Variants in ERBB4 observed in about 807,000 individuals in gnomAD.
ERBB4 encodes erb-b2 receptor tyrosine kinase 4, also known as receptor tyrosine-protein kinase erbB-4.
ERBB4 carries 42 observed loss-of-function variants against 158.0 expected under a neutral mutation model. That is an observed-to-expected ratio of 0.27 (90% CI 0.21 to 0.34). The LOEUF (loss-of-function observed/expected upper bound fraction) is 0.34. Ranked by LOEUF, ERBB4 falls within the 10% of genes least tolerant of loss-of-function variation. The pLI is 1.00. For missense variants in ERBB4, 1,333 were observed against 1,624.1 expected, an observed-to-expected ratio of 0.82 and a Z score of 3.08; for synonymous variants, 583 against 558.7, an observed-to-expected ratio of 1.04 and a Z score of -0.61.
At chr2:212,515,092 T>C (rs1426959076) in intron 1 of ERBB4, among the ~76,000 whole-genome samples, 1 of 152,188 alleles carries the variant, frequency 6.6e-6, no homozygotes, top group East Asian at 1.9e-4. Flanking sequence ...TTCATAAATG[T>C]CAAAATCTGA....
chr2:211,774,452 G>C (rs140892162), intron 4 of ERBB4, among the ~76,000 whole-genome samples: 1 of 152,116 alleles, frequency 6.6e-6, no homozygotes. Flanking sequence ...ATGAATTAAA[G>C]CTGCATAGGG....
At chr2:211,385,362 G>A (rs530116271) in intron 27 of ERBB4, among the ~76,000 whole-genome samples, 3 of 152,228 alleles carry the variant, frequency 2.0e-5, no homozygotes, top group African/African-American at 7.2e-5. Flanking sequence ...ATTAAATGAT[G>A]TGTGCAGGAT....
At chr2:211,515,940 A>T (rs113506817) in intron 20 of ERBB4, among the ~76,000 whole-genome samples, 20,689 of 111,372 alleles carry the variant, frequency 0.19, 1,853 homozygotes, top group Middle Eastern at 0.26. Flanking sequence ...TTTGAGGCGG[A>T]GTCTTGCTCT....
intron 15 of ERBB4, among the ~76,000 whole-genome samples, chr2:211,664,272 G>C (rs577009351): frequency 6.6e-6 from 1 of 151,966 alleles, no homozygotes; most frequent in South Asian, 2.1e-4. Context: ...TCTGTTTATG[G>C]AATCTCACAC....
At chr2:211,432,660 TCTTCC>T in intron 20 of ERBB4, among the ~76,000 whole-genome samples, 1 of 151,832 alleles carries the variant, frequency 6.6e-6, no homozygotes, top group East Asian at 1.9e-4. Context: ...TATTTTCATA[TCTTCC>T]CAAGTAATAC....
intron 1 of ERBB4, among the ~76,000 whole-genome samples, chr2:212,453,633 C>T (rs1014913296): frequency 2.6e-5 from 4 of 152,028 alleles, no homozygotes; most frequent in Non-Finnish European, 5.9e-5. Flanking sequence ...ACGAGGTATG[C>T]TTTTTAATGT....
At chr2:211,792,085 T>C (rs750821614) in intron 3 of ERBB4, among the ~76,000 whole-genome samples, 127 of 151,750 alleles carry the variant, frequency 8.4e-4, no homozygotes, top group Non-Finnish European at 9.4e-4. Flanking sequence ...TTAGATTTAA[T>C]TGTGTATGGA....
chr2:211,759,714 G>C (rs896226022), intron 4 of ERBB4, among the ~76,000 whole-genome samples: 1 of 151,206 alleles, frequency 6.6e-6, no homozygotes, highest in Non-Finnish European at 1.5e-5. Context: ...ATTTCTAATA[G>C]ATGTTCAAAT....
At chr2:212,357,633 T>G (rs1483806191) in intron 1 of ERBB4, among the ~76,000 whole-genome samples, 2 of 151,670 alleles carry the variant, frequency 1.3e-5, no homozygotes, top group Admixed American at 6.6e-5. Flanking sequence ...AATGGTCTCA[T>G]CAACACAACC....
chr2:212,381,135 A>T (rs2106411512), intron 1 of ERBB4, among the ~76,000 whole-genome samples: 2 of 151,540 alleles, frequency 1.3e-5, no homozygotes, highest in East Asian at 3.9e-4. Flanking sequence ...TAAAATGCTA[A>T]CAAGCTTAAA....
intron 27 of ERBB4, 113 bp downstream of exon 27, chr2:211,386,740 T>C: frequency 1.0e-6 from 1 of 985,140 alleles, no homozygotes; most frequent in Non-Finnish European, 1.6e-6. Flanking sequence ...AGGCCTTTAC[T>C]GGATCACAAA....
chr2:211,480,474 C>T (rs1363253583), intron 20 of ERBB4, among the ~76,000 whole-genome samples: 1 of 152,128 alleles, frequency 6.6e-6, no homozygotes, highest in Non-Finnish European at 1.5e-5. Flanking sequence ...CCTCCCCTGC[C>T]ACCATGTGAA....
At chr2:211,491,115 A>G (rs12052398) in intron 20 of ERBB4, among the ~76,000 whole-genome samples, 50,325 of 151,984 alleles carry the variant, frequency 0.33, 8,901 homozygotes, top group African/African-American at 0.44. Flanking sequence ...AGGACACAAA[A>G]TGTTGACATA....
chr2:211,793,267 CATATG>C (rs1276696914), intron 3 of ERBB4, among the ~76,000 whole-genome samples: 1 of 151,778 alleles, frequency 6.6e-6, no homozygotes, highest in Non-Finnish European at 1.5e-5. Flanking sequence ...ATCTACCAAC[CATATG>C]ATATAAGAAG....
chr2:211,597,762 T>C (rs2068681333), intron 19 of ERBB4, among the ~76,000 whole-genome samples: 1 of 152,146 alleles, frequency 6.6e-6, no homozygotes, highest in Non-Finnish European at 1.5e-5. Context: ...TTTTTATTTT[T>C]TAACCTTCAC....
chr2:211,723,242 A>G (rs1399554531), intron 6 of ERBB4, among the ~76,000 whole-genome samples: 3 of 152,202 alleles, frequency 2.0e-5, no homozygotes, highest in African/African-American at 7.2e-5. Context: ...TAATATTTTC[A>G]AATTCATTTG....
chr2:211,909,324 C>T (rs1481707186), intron 3 of ERBB4, among the ~76,000 whole-genome samples: 1 of 151,500 alleles, frequency 6.6e-6, no homozygotes, highest in African/African-American at 2.4e-5. Flanking sequence ...ATGATTATAT[C>T]TATTTATATA....
intron 3 of ERBB4, among the ~76,000 whole-genome samples, chr2:211,804,686 C>A (rs948751314): frequency 2.0e-5 from 3 of 152,010 alleles, no homozygotes; most frequent in Non-Finnish European, 4.4e-5. Context: ...TTATGGGAAT[C>A]AAATTGGAGT....
intron 1 of ERBB4, among the ~76,000 whole-genome samples, chr2:212,416,259 GGCA>G (rs2091650187): frequency 6.6e-6 from 1 of 152,096 alleles, no homozygotes; most frequent in African/African-American, 2.4e-5. Context: ...TTGAAAACAT[GGCA>G]GCAAGGGCAA....
Sources: gnomAD v4.1 joint callset for allele counts (sites outside exome capture counted in the v4.1 genomes callset) on GRCh38, gnomAD v4.1.1 for gene constraint, MANE v1.5 for transcripts, NCBI Gene and HGNC (gene_info 2026-07-23, HGNC 2026-07-21) for gene names.